The following PIAS1 variants were observed in gnomAD, a reference collection of about 807,000 sequenced individuals.
The protein encoded by PIAS1 is E3 SUMO-protein ligase PIAS1.
Under a neutral mutation model 71.3 loss-of-function variants are expected in PIAS1, and 6 were observed. The observed-to-expected ratio is 0.08, with a 90% CI of 0.05 to 0.17. The LOEUF is 0.17. Among genes scored for constraint, PIAS1 ranks in the 10% least tolerant of loss-of-function variants. PIAS1 has a pLI of 1.00. For missense variants in PIAS1, 555 were observed against 793.6 expected (o/e 0.70, Z 3.61); for synonymous variants, 303 against 292.9 (o/e 1.03, Z -0.35).
chr15:68,187,131 C>T lies in PIAS1; in HGVS notation c.1663-411C>T, dbSNP rs960680966. Among the ~76,000 whole-genome samples the T allele has an allele frequency of 2.0e-5, 3 of 152,084 alleles. No individual in the cohort carries two copies. The highest frequency in any genetic ancestry group is 6.5e-5 in the Admixed American group (1 of 15,272). ...TAATAAGAACAGTGTCTGTTGGTTT[C>T]CAGTACTGTTTTATAAAGAAACAGG... On this transcript the variant is annotated intron_variant, in intron 13 of 13. Coordinates refer to ENST00000249636, the MANE Select transcript of PIAS1 (RefSeq NM_016166.3). The surrounding 1 kb of genome is among the most constrained non-coding windows in gnomAD (Gnocchi z 5.3).
chr15:68,078,207 C>G (rs1254171800), intron 1 of PIAS1, among the ~76,000 whole-genome samples: 1 of 152,142 alleles, frequency 6.6e-6, no homozygotes, highest in Non-Finnish European at 1.5e-5. Flanking sequence ...TTCTCATGAT[C>G]AAGTACAGTA....
intron 2 of PIAS1, among the ~76,000 whole-genome samples, chr15:68,128,753 C>G (rs115301762): frequency 6.6e-6 from 1 of 151,888 alleles, no homozygotes; most frequent in African/African-American, 2.4e-5. Flanking sequence ...TGTTTGCATT[C>G]CAACAAATGG....
chr15:68,123,987 C>T (rs1276512388), intron 2 of PIAS1, among the ~76,000 whole-genome samples: 1 of 151,586 alleles, frequency 6.6e-6, no homozygotes, highest in African/African-American at 2.4e-5. Flanking sequence ...TGAATATACA[C>T]ACACACACAC....
intron 2 of PIAS1, among the ~76,000 whole-genome samples, chr15:68,105,768 C>A (rs1235525023): frequency 1.3e-5 from 2 of 152,006 alleles, no homozygotes; most frequent in Admixed American, 1.3e-4. Context: ...CCCAGGAGTT[C>A]CAAACCAGCC....
rs186683657 is a variant in PIAS1 at position 68,172,551 on chromosome 15, C to T, written c.1009-1181C>T. Among the ~76,000 whole-genome samples, 166 of 152,306 alleles carry T rather than the reference C, an allele frequency of 1.1e-3. 1 individual carries two copies. Among genetic ancestry groups the T allele is most frequent in the African/African-American group, 3.9e-3 (161 of 41,560 alleles). On this transcript the variant is annotated intron_variant, in intron 8 of 13. Transcript: ENST00000249636. ...TCCCACCAACAGTGTAAAAGCATTC[C>T]TATTTCTCCACATCCTCTCCAGCAC...
intron 2 of PIAS1, among the ~76,000 whole-genome samples, chr15:68,135,124 G>C (rs1266820375): frequency 4.0e-5 from 2 of 50,588 alleles, no homozygotes; most frequent in South Asian, 9.0e-4. Flanking sequence ...TCCCGGACGG[G>C]GCGGCTGGCC....
chr15:68,066,441 CAT>C (rs2092027467), intron 1 of PIAS1, among the ~76,000 whole-genome samples: 1 of 152,140 alleles, frequency 6.6e-6, no homozygotes, highest in Non-Finnish European at 1.5e-5. Flanking sequence ...ATATAAGAAT[CAT>C]ATGAATAAAT....
chr15:68,164,680 T>C (rs1317775303), intron 7 of PIAS1, 51 bp from the exon 8 acceptor site: 1 of 969,218 alleles, frequency 1.0e-6, no homozygotes, highest in Non-Finnish European at 1.6e-6. Flanking sequence ...CAGTAATGTA[T>C]CTTTAATAAA....
intron 8 of PIAS1, among the ~76,000 whole-genome samples, chr15:68,170,684 A>G (rs2092985730): frequency 6.6e-6 from 1 of 152,152 alleles, no homozygotes; most frequent in Non-Finnish European, 1.5e-5. Context: ...TCTGTCACCC[A>G]GGCCGGAGTG....
At position 68,187,604 on chromosome 15, in the gene PIAS1, A is replaced by C; in HGVS notation, c.1725A>C (p.Leu575=). 4 of 1,613,812 alleles carry C rather than the reference A, an allele frequency of 2.5e-6. No homozygotes were observed. Among genetic ancestry groups the C allele is most frequent in the Non-Finnish European group, 3.4e-6 (4 of 1,179,788 alleles). ...CAGTTTCAGATGATCAAGACCTCCT[A>C]CACTCGTCTCGGTTTTTCCCGTATA... is the stretch of plus-strand genomic sequence containing the variant. The part of the protein sequence containing the change: ...AAAVSDDQDL[L]HSSRFFPYTS... Residue 575 remains leucine (L), a synonymous_variant, in exon 14 of 14, where the codon CTA becomes CTC. Coordinates refer to ENST00000249636, the MANE Select transcript of PIAS1 (RefSeq NM_016166.3). The surrounding 1 kb of genome is among the most constrained non-coding windows in gnomAD (Gnocchi z 5.3).
At chr15:68,068,407 G>T (rs563842869) in intron 1 of PIAS1, among the ~76,000 whole-genome samples, 82 of 152,260 alleles carry the variant, frequency 5.4e-4, no homozygotes, top group African/African-American at 1.9e-3. Context: ...GGTGATGTTT[G>T]TGGAAGAAGG....
chr15:68,122,287 TAAAC>T (rs933882948), intron 2 of PIAS1, among the ~76,000 whole-genome samples: 11 of 152,006 alleles, frequency 7.2e-5, no homozygotes, highest in African/African-American at 2.4e-4. Flanking sequence ...AGACAAAAAA[TAAAC>T]AAACAAAACC....
At chr15:68,123,730 G>A (rs1336247623) in intron 2 of PIAS1, among the ~76,000 whole-genome samples, 2 of 152,166 alleles carry the variant, frequency 1.3e-5, no homozygotes, top group Non-Finnish European at 2.9e-5. Context: ...CACAGGAGTA[G>A]TACCTAATTA....
At chr15:68,088,198 A>ATATATATATATATATATATATC in intron 2 of PIAS1, among the ~76,000 whole-genome samples, 1 of 143,428 alleles carries the variant, frequency 7.0e-6, no homozygotes, top group South Asian at 2.2e-4. Context: ...ATATATATAT[A>ATATATATATATATATATATATC]TATCCCATTT....
At position 68,054,664 on chromosome 15, in the gene PIAS1, T is replaced by C; in HGVS notation, c.24+314T>C. 3.7e-6 allele frequency: 1 copy of C among 272,826 alleles called. No individual in the cohort carries two copies. Among genetic ancestry groups the C allele is most frequent in the East Asian group, 6.3e-5 (1 of 15,780 alleles). The allele number at this position is 272,826 out of a possible 1,614,324, so 16.9% of individuals were successfully genotyped here. Reference sequence around the variant, plus strand: ...GCAGCTGTCTCATGGGCTCGGCTTTTTCACCTTCCAGTTAGCCTCCCTGCC... The same window carrying C: ...GCAGCTGTCTCATGGGCTCGGCTTTCTCACCTTCCAGTTAGCCTCCCTGCC... On this transcript the variant is annotated intron_variant, in intron 1 of 13. Coordinates refer to ENST00000249636, the MANE Select transcript of PIAS1 (RefSeq NM_016166.3). The surrounding 1 kb of genome is among the most constrained non-coding windows in gnomAD (Gnocchi z 4.6).
At chr15:68,130,503 G>T (rs2092682318) in intron 2 of PIAS1, among the ~76,000 whole-genome samples, 1 of 151,570 alleles carries the variant, frequency 6.6e-6, no homozygotes, top group African/African-American at 2.4e-5. Flanking sequence ...TATTATCAAA[G>T]AACTACTTTT....
intron 7 of PIAS1, among the ~76,000 whole-genome samples, chr15:68,162,480 G>GGA (rs1269296590): frequency 1.3e-5 from 2 of 151,944 alleles, no homozygotes; most frequent in African/African-American, 4.8e-5. Flanking sequence ...GAGAGGAAAA[G>GGA]GAGAGAGAGA....
chr15:68,102,032 A>G (rs2092431523), intron 2 of PIAS1, among the ~76,000 whole-genome samples: 1 of 152,220 alleles, frequency 6.6e-6, no homozygotes, highest in South Asian at 2.1e-4. Flanking sequence ...CACAGTGCCT[A>G]GCCAAGTCAA....
intron 2 of PIAS1, among the ~76,000 whole-genome samples, chr15:68,088,176 G>GTGTATATATATATATATA (rs150997979): frequency 0.036 from 2,597 of 72,512 alleles, 133 homozygotes; most frequent in East Asian, 0.059. Flanking sequence ...TTATGTGTGT[G>GTGTATATATATATATATA]TATATATATA....
Sources: gnomAD v4.1 joint callset for allele counts (sites outside exome capture counted in the v4.1 genomes callset) on GRCh38, gnomAD v4.1.1 for gene constraint, Gnocchi (gnomAD v3.1) non-coding constraint, MANE v1.5 for transcripts, NCBI Gene and HGNC (gene_info 2026-07-23, HGNC 2026-07-21) for gene names.